GRM1: variants seen among roughly 807,000 people sequenced by gnomAD.
GRM1 encodes metabotropic glutamate receptor 1.
GRM1 carries 33 observed loss-of-function variants against 90.9 expected under a neutral mutation model. That is an observed-to-expected ratio of 0.36 (90% CI 0.28 to 0.49). GRM1 has a LOEUF of 0.49. GRM1 is among the 20% of genes least tolerant of loss of function. The pLI is 0.99. For missense variants in GRM1, 1,190 were observed against 1,534.3 expected, an observed-to-expected ratio of 0.78 and a Z score of 3.75; for synonymous variants, 700 against 613.2, an observed-to-expected ratio of 1.14 and a Z score of -2.09.
At chr6:146,037,973 A>G (rs1341829555) in intron 1 of GRM1, among the ~76,000 whole-genome samples, 1 of 151,818 alleles carries the variant, frequency 6.6e-6, no homozygotes, top group African/African-American at 2.4e-5. Flanking sequence ...GAGCAACTCT[A>G]CCTCCATATT....
intron 5 of GRM1, among the ~76,000 whole-genome samples, chr6:146,365,929 C>G (rs1225538318): frequency 2.0e-5 from 3 of 152,156 alleles, no homozygotes; most frequent in African/African-American, 4.8e-5. Context: ...GGGAGAAAGT[C>G]TCTTTAAATT....
chr6:146,398,936 A>G lies in GRM1; in HGVS notation c.1897A>G (p.Ile633Val), dbSNP rs765008709. The G allele has an allele frequency of 1.2e-6, 2 of 1,614,152 alleles. No homozygotes were observed. The highest frequency in any genetic ancestry group is 1.1e-5 in the South Asian group (1 of 91,074). The stretch of plus-strand genomic sequence containing the variant: ...ATCCTCCAGTCGGGAGCTCTGCTAC[A>G]TCATCCTAGCTGGCATCTTCCTTGG... ...VKSSSRELCYIILAGIFLGYV... is the reference protein window; with the variant it reads ...VKSSSRELCYVILAGIFLGYV... The change falls in exon 7 of 8, where the codon ATC (isoleucine) becomes GTC (valine). Residue 633 changes from isoleucine (I) to valine (V), a missense_variant. This residue lies in a region of GRM1 where 414 missense variants were observed against 598.4 expected (regional missense o/e 0.69). Transcript: ENST00000282753.
intron 1 of GRM1, among the ~76,000 whole-genome samples, chr6:146,038,465 A>G (rs1790972361): frequency 6.6e-6 from 1 of 152,026 alleles, no homozygotes; most frequent in Non-Finnish European, 1.5e-5. Flanking sequence ...AGGGCTAGGT[A>G]GATGTAATAG....
intron 6 of GRM1, among the ~76,000 whole-genome samples, chr6:146,387,528 A>G (rs948630240): frequency 4.6e-5 from 7 of 152,060 alleles, no homozygotes; most frequent in African/African-American, 1.7e-4. Flanking sequence ...TGAAAAATAT[A>G]ATAAAACATA....
intron 1 of GRM1, among the ~76,000 whole-genome samples, chr6:146,124,610 G>A (rs1776125689): frequency 6.6e-6 from 1 of 151,906 alleles, no homozygotes; most frequent in African/African-American, 2.4e-5. Flanking sequence ...TATTTCTGTG[G>A]CATAAGAATT....
At chr6:146,215,861 A>G (rs1481866926) in intron 2 of GRM1, among the ~76,000 whole-genome samples, 1 of 150,726 alleles carries the variant, frequency 6.6e-6, no homozygotes, top group Non-Finnish European at 1.5e-5. Flanking sequence ...GGTTCACGCC[A>G]TCCTCCTGCC....
intron 1 of GRM1, among the ~76,000 whole-genome samples, chr6:146,055,380 CT>C (rs540666861): frequency 6.1e-4 from 93 of 152,102 alleles, no homozygotes; most frequent in Non-Finnish European, 8.8e-5. Context: ...CTAACCACAC[CT>C]TTTTTTAATT....
intron 3 of GRM1, among the ~76,000 whole-genome samples, chr6:146,331,710 T>G (rs1179432999): frequency 6.6e-6 from 1 of 152,140 alleles, no homozygotes; most frequent in Non-Finnish European, 1.5e-5. Context: ...GTCTTCTTCA[T>G]AAGATTTGAA....
At chr6:146,209,969 A>G (rs569382674) in intron 2 of GRM1, among the ~76,000 whole-genome samples, 1 of 152,322 alleles carries the variant, frequency 6.6e-6, no homozygotes, top group South Asian at 2.1e-4. Flanking sequence ...TCAAAGAGTA[A>G]GGCATTTCTA....
At chr6:146,208,918 T>G (rs1779583717) in intron 2 of GRM1, among the ~76,000 whole-genome samples, 1 of 152,128 alleles carries the variant, frequency 6.6e-6, no homozygotes, top group Admixed American at 6.6e-5. Context: ...AATGAAATTT[T>G]GAAAATCTGT....
chr6:146,028,230 G>A (rs1011612386), upstream of GRM1, among the ~76,000 whole-genome samples: 2 of 124,552 alleles, frequency 1.6e-5, no homozygotes, highest in African/African-American at 3.3e-5. Flanking sequence ...CGAGTGGAAG[G>A]GAGTGTGTGT....
At chr6:146,168,793 A>G (rs1778002078) in intron 2 of GRM1, among the ~76,000 whole-genome samples, 1 of 152,072 alleles carries the variant, frequency 6.6e-6, no homozygotes, top group Admixed American at 6.6e-5. Context: ...TTTGACTTGC[A>G]TGGTTTCTGA....
At chr6:146,297,638 C>T (rs971325080) in intron 2 of GRM1, among the ~76,000 whole-genome samples, 1 of 152,154 alleles carries the variant, frequency 6.6e-6, no homozygotes, top group Non-Finnish European at 1.5e-5. Context: ...ATCACTTGCA[C>T]TGGGTCTGTT....
At chr6:146,383,147 A>G (rs908805206) in intron 5 of GRM1, among the ~76,000 whole-genome samples, 1 of 152,200 alleles carries the variant, frequency 6.6e-6, no homozygotes, top group South Asian at 2.1e-4. Context: ...GGATTAAAAA[A>G]CTAACTCCAT....
In GRM1 at chr6:146,068,258, C is replaced by T. The variant is rs184780746; in HGVS notation, c.700+38041C>T. Among the ~76,000 whole-genome samples, 32 of 152,152 alleles carry T rather than the reference C, an allele frequency of 2.1e-4. No individual in the cohort carries two copies. In the East Asian group the frequency reaches 6.0e-3, roughly 29 times the overall value. On this transcript the variant is annotated intron_variant, in intron 1 of 7. Transcript: ENST00000282753. ...CCTCCTGAGTAGCTGGGACTACAGG[C>T]GCCCGCCACCTCGCCTGGCTAATTT...
chr6:146,254,636 A>G (rs1054167953), intron 2 of GRM1, among the ~76,000 whole-genome samples: 1 of 152,094 alleles, frequency 6.6e-6, no homozygotes. Context: ...CTTACCATAT[A>G]TGTTGCTCTG....
intron 2 of GRM1, among the ~76,000 whole-genome samples, chr6:146,224,514 C>G (rs1162369529): frequency 6.6e-6 from 1 of 152,094 alleles, no homozygotes; most frequent in Non-Finnish European, 1.5e-5. Context: ...TTTAAACTTG[C>G]ATTAAAGAGT....
Position 146,202,029 on chromosome 6 carries a change from A to G in GRM1, c.950+42432A>G, listed in dbSNP as rs947607450. Among the ~76,000 whole-genome samples the G allele has an allele frequency of 2.0e-5, 3 of 152,204 alleles. No homozygotes were observed. In the South Asian group the frequency reaches 6.2e-4, roughly 32 times the overall value. ...TGAAGGACCCTGAGTGGCTGGTGCAACGTAACTTGGATGACTCAGATAAGT... is the reference window on the plus strand; with the variant it reads ...TGAAGGACCCTGAGTGGCTGGTGCAGCGTAACTTGGATGACTCAGATAAGT... On this transcript the variant is annotated intron_variant, in intron 2 of 7. Coordinates refer to ENST00000282753, the MANE Select transcript of GRM1 (RefSeq NM_001278064.2).
intron 6 of GRM1, among the ~76,000 whole-genome samples, chr6:146,393,108 C>T (rs139596717): frequency 9.1e-4 from 139 of 152,292 alleles, no homozygotes; most frequent in African/African-American, 3.2e-3. Flanking sequence ...GGAATCACCA[C>T]GCTGTCTTCC....
Sources: allele counts gnomAD v4.1 joint callset (sites outside exome capture counted in the v4.1 genomes callset), GRCh38; gene constraint gnomAD v4.1.1; regional missense constraint gnomAD v4.1.1; transcripts MANE v1.5; gene names NCBI Gene and HGNC (gene_info 2026-07-23, HGNC 2026-07-21).